Variants in ATG16L1 observed in about 807,000 individuals in gnomAD.
ATG16L1 encodes autophagy-related protein 16-1.
ATG16L1 carries 37 observed loss-of-function variants against 88.5 expected under a neutral mutation model. The observed-to-expected ratio is 0.42, with a 90% confidence interval of 0.32 to 0.55. The LOEUF (loss-of-function observed/expected upper bound fraction) is 0.55. Ranked by LOEUF, ATG16L1 falls within the 20% of genes least tolerant of loss-of-function variation. The pLI, the probability that ATG16L1 is intolerant of heterozygous loss-of-function variation, is 0.13. For synonymous variants in ATG16L1, 301 were observed against 281.0 expected, an observed-to-expected ratio of 1.07 and a Z score of -0.71; for missense variants, 554 against 752.8, an observed-to-expected ratio of 0.74 and a Z score of 3.09.
intron 14 of ATG16L1, among the ~76,000 whole-genome samples, chr2:233,291,589 AC>A (rs1248687128): frequency 1.3e-5 from 2 of 152,050 alleles, no homozygotes; most frequent in African/African-American, 4.8e-5. Flanking sequence ...GCTGTTAGCC[AC>A]CCTGGACATG....
chr2:233,267,693 G>C (rs1421312043), intron 5 of ATG16L1, among the ~76,000 whole-genome samples: 1 of 152,178 alleles, frequency 6.6e-6, no homozygotes, highest in Non-Finnish European at 1.5e-5. Context: ...AGGGTGTTGG[G>C]GGCCCCAGGT....
intron 7 of ATG16L1, chr2:233,273,274 C>CA (rs970687939): frequency 3.5e-5 from 19 of 544,300 alleles, no homozygotes; most frequent in South Asian, 7.4e-5. Flanking sequence ...CTTCTAAATA[C>CA]AAAAAAATGT....
chr2:233,283,610 G>C (rs1163582745), intron 12 of ATG16L1, among the ~76,000 whole-genome samples: 2 of 151,314 alleles, frequency 1.3e-5, no homozygotes, highest in African/African-American at 2.4e-5. Flanking sequence ...GGGTACAGTA[G>C]TGTGATCTCA....
intron 2 of ATG16L1, among the ~76,000 whole-genome samples, chr2:233,261,215 A>G (rs1338072114): frequency 6.6e-6 from 1 of 152,092 alleles, no homozygotes; most frequent in Non-Finnish European, 1.5e-5. Context: ...TCGGCCTCCC[A>G]AAGTGCTGGG....
chr2:233,257,933 C>T (rs1052909607), intron 2 of ATG16L1, among the ~76,000 whole-genome samples: 1 of 149,394 alleles, frequency 6.7e-6, no homozygotes, highest in Non-Finnish European at 1.5e-5. Flanking sequence ...ACCTGGGAGG[C>T]GGAAGTTGCA....
intron 6 of ATG16L1, among the ~76,000 whole-genome samples, chr2:233,272,201 C>T (rs1487380753): frequency 6.6e-6 from 1 of 152,096 alleles, no homozygotes; most frequent in Non-Finnish European, 1.5e-5. Flanking sequence ...TTGCCCTCCT[C>T]CAAGTAGGAA....
intron 5 of ATG16L1, 58 bp from the exon 6 acceptor site, chr2:233,269,944 C>T (rs1361798214): frequency 6.5e-7 from 1 of 1,539,036 alleles, no homozygotes; most frequent in Admixed American, 2.3e-5. Context: ...AGAGCCCAAA[C>T]CCCGTGCTTT....
chr2:233,257,613 TA>T (rs1696883384), intron 2 of ATG16L1, among the ~76,000 whole-genome samples: 1 of 152,226 alleles, frequency 6.6e-6, no homozygotes, highest in Non-Finnish European at 1.5e-5. Context: ...TAAAGAGACA[TA>T]GCCTCAGTAA....
Position 233,281,107 on chromosome 2 carries a change from A to G in ATG16L1, c.1063A>G (p.Lys355Glu). ...RVKLWEVFGE[K>E]CEFKGSLSGS... ...CCTAATTTTTTCTTTTTATACAGAA[A>G]AATGTGAGTTCAAGGGTTCCCTATC... The change falls in exon 11 of 18, where the codon AAA becomes GAA. Residue 355 changes from lysine (K) to glutamate (E), a missense_variant and splice_region_variant. Lys to Glu is a moderately conservative substitution (Grantham distance 56). Transcript: ENST00000392017. The G allele has an allele frequency of 6.3e-7, 1 of 1,593,398 alleles. No homozygotes were observed. Among genetic ancestry groups the G allele is most frequent in the East Asian group, 2.2e-5 (1 of 44,600 alleles).
At chr2:233,290,385 A>T in intron 14 of ATG16L1, 32 bp downstream of exon 14, 3 of 1,506,764 alleles carry the variant, frequency 2.0e-6, no homozygotes, top group African/African-American at 1.4e-5. Context: ...CTGGAGGCAC[A>T]TAAGAGTCTC....
chr2:233,258,043 A>G (rs1169799646), intron 2 of ATG16L1, among the ~76,000 whole-genome samples: 1 of 144,828 alleles, frequency 6.9e-6, no homozygotes, highest in Non-Finnish European at 1.5e-5. Flanking sequence ...ATATCTATAT[A>G]TCTATATCTA....
chr2:233,281,389 T>C (rs1698710761), intron 11 of ATG16L1, among the ~76,000 whole-genome samples: 1 of 152,318 alleles, frequency 6.6e-6, no homozygotes, highest in Admixed American at 6.5e-5. Context: ...AGGCTTGTGA[T>C]GTTACTCAGT....
intron 2 of ATG16L1, among the ~76,000 whole-genome samples, chr2:233,261,604 C>T (rs1559380858): frequency 2.0e-5 from 3 of 152,120 alleles, no homozygotes; most frequent in South Asian, 4.1e-4. Context: ...CCTTTATCCC[C>T]CTCTTTTTAT....
At position 233,293,362 on chromosome 2, in the gene ATG16L1, G is replaced by T. The variant is rs777171801; in HGVS notation, c.1730+5G>T. On this transcript the variant is annotated splice_donor_5th_base_variant and intron_variant, in intron 17 of 17. Coordinates refer to ENST00000392017, the MANE Select transcript of ATG16L1 (RefSeq NM_030803.7). ...GGTTCTTTCAAAGCAGCACAGGTAA[G>T]ATGAACCCTGTCTCAGCCCCCCGTT... 12 of 1,611,706 alleles carry T rather than the reference G, an allele frequency of 7.4e-6. No homozygotes were observed. In the South Asian group the frequency reaches 9.9e-5, roughly 13 times the overall value.
At position 233,282,952 on chromosome 2, in the gene ATG16L1, G is replaced by T. The variant is rs1698814518; in HGVS notation, c.1203+199G>T. Reference sequence around the variant, plus strand: ...TCCAAAACTCAGTTTCAAAATATTTGCAATGGGACCCTCACATTTGCATGA... The same window carrying T: ...TCCAAAACTCAGTTTCAAAATATTTTCAATGGGACCCTCACATTTGCATGA... On this transcript the variant is annotated intron_variant, in intron 12 of 17. Coordinates refer to ENST00000392017, the MANE Select transcript of ATG16L1 (RefSeq NM_030803.7). The T allele has an allele frequency of 2.2e-5, 12 of 534,990 alleles. No individual in the cohort carries two copies. The South Asian group carries it at 2.6e-4, about 12-fold the overall frequency. 33.1% of individuals were successfully genotyped at this position (534,990 alleles called of 1,614,324 possible). A position where few individuals can be genotyped will look rare whatever the true frequency, so the allele number is the denominator to read the frequency against.
At position 233,282,614 on chromosome 2, in the gene ATG16L1, T is replaced by G. The variant is rs558384911; in HGVS notation, c.1132-68T>G. The G allele has an allele frequency of 8.9e-5, 122 of 1,371,100 alleles. 3 individuals are homozygous for G. The South Asian group carries it at 1.4e-3, about 15-fold the overall frequency. 84.9% of individuals were successfully genotyped at this position (1,371,100 alleles called of 1,614,324 possible). Reference sequence around the variant, plus strand: ...TTCTTGTACTTGATTATTGGGGAATTTATATCGTGTGAACTGAATTCCTCT... The same window carrying G: ...TTCTTGTACTTGATTATTGGGGAATGTATATCGTGTGAACTGAATTCCTCT... On this transcript the variant is annotated intron_variant, in intron 11 of 17. Coordinates refer to ENST00000392017, the MANE Select transcript of ATG16L1 (RefSeq NM_030803.7).
chr2:233,273,009 A>C lies in ATG16L1; in HGVS notation c.751A>C (p.Thr251Pro). 6.2e-7 allele frequency: 1 copy of C among 1,614,112 alleles called. No homozygotes were observed. The highest frequency in any genetic ancestry group is 1.1e-5 in the South Asian group (1 of 91,070). Residue 251 changes from threonine to proline, a missense_variant, in exon 7 of 18, where the codon ACA becomes CCA. Physicochemically the swap from Thr to Pro is conservative, Grantham distance 38. This residue lies in a region of ATG16L1 where 370 missense variants were observed against 509.7 expected (regional missense o/e 0.73). Transcript: ENST00000392017. The stretch of plus-strand genomic sequence containing the variant: ...CATTGTGGATGAAACTTCTGATCAC[A>C]CAGAAGAGACCTCTCCTGTGCGAGC... ...EVIVDETSDH[T>P]EETSPVRAIS...
chr2:233,267,668 C>T, intron 5 of ATG16L1, among the ~76,000 whole-genome samples: 1 of 152,202 alleles, frequency 6.6e-6, no homozygotes, highest in Non-Finnish European at 1.5e-5. Context: ...TGCCATGGAG[C>T]TTGACAGCAG....
At chr2:233,284,719 C>A (rs1053339700) in intron 12 of ATG16L1, among the ~76,000 whole-genome samples, 5 of 152,324 alleles carry the variant, frequency 3.3e-5, no homozygotes, top group African/African-American at 1.2e-4. Context: ...ATCCGTCTGC[C>A]TCGGCCTCCC....
Sources: gnomAD v4.1 joint callset for allele counts (sites outside exome capture counted in the v4.1 genomes callset) on GRCh38, gnomAD v4.1.1 for gene constraint, gnomAD v4.1.1 regional missense constraint, MANE v1.5 for transcripts, NCBI Gene and HGNC (gene_info 2026-07-23, HGNC 2026-07-21) for gene names.